AUTS2: variants seen among roughly 807,000 people sequenced by gnomAD.
AUTS2 encodes the protein autism susceptibility gene 2 protein.
Under a neutral mutation model 112.4 loss-of-function variants are expected in AUTS2, and 17 were observed. That is an observed-to-expected ratio of 0.15 (90% CI 0.10 to 0.23). The LOEUF (loss-of-function observed/expected upper bound fraction) is 0.23, where lower values mean the gene tolerates loss of function less well. Ranked by LOEUF, AUTS2 falls within the 10% of genes least tolerant of loss-of-function variation. The pLI, the probability that AUTS2 is intolerant of heterozygous loss-of-function variation, is 1.00. For synonymous variants in AUTS2, 751 were observed against 702.7 expected (o/e 1.07, Z -1.09); for missense variants, 1,510 against 1,701.6 (o/e 0.89, Z 1.98).
At chr7:70,488,193 G>A (rs942711553) in intron 5 of AUTS2, among the ~76,000 whole-genome samples, 31 of 152,206 alleles carry the variant, frequency 2.0e-4, no homozygotes, top group Admixed American at 1.1e-3. Context: ...CTGGAGAGTC[G>A]CTTCATAAGC....
chr7:70,461,685 C>G (rs961376736), intron 5 of AUTS2, among the ~76,000 whole-genome samples: 1 of 152,148 alleles, frequency 6.6e-6, no homozygotes, highest in East Asian at 1.9e-4. Context: ...CTCTTTCCAA[C>G]TAAGAAAACT....
intron 5 of AUTS2, among the ~76,000 whole-genome samples, chr7:70,481,070 A>C (rs1433410181): frequency 6.6e-6 from 1 of 152,226 alleles, no homozygotes; most frequent in Non-Finnish European, 1.5e-5. Context: ...CACCCAGTAC[A>C]GACTGTGGCA....
intron 6 of AUTS2, among the ~76,000 whole-genome samples, chr7:70,726,829 T>A (rs1328556869): frequency 6.6e-6 from 1 of 152,200 alleles, no homozygotes; most frequent in African/African-American, 2.4e-5. Flanking sequence ...TTTGTTCTTT[T>A]GAGAGGCAGG....
intron 1 of AUTS2, among the ~76,000 whole-genome samples, chr7:69,729,897 G>T (rs540745417): frequency 4.0e-5 from 6 of 149,902 alleles, no homozygotes; most frequent in African/African-American, 1.5e-4. Flanking sequence ...TTATTTTTGT[G>T]CACAAATTTG....
chr7:69,704,483 C>CT (rs2129192593), intron 1 of AUTS2, among the ~76,000 whole-genome samples: 1 of 152,116 alleles, frequency 6.6e-6, no homozygotes, highest in African/African-American at 2.4e-5. Context: ...TTTCATCGTG[C>CT]TAACCAGGAT....
rs577111095 is a variant in AUTS2 at position 69,735,755 on chromosome 7, C to T, written c.309+135793C>T. Among the ~76,000 whole-genome samples, 371 of 152,312 alleles carry T rather than the reference C, an allele frequency of 2.4e-3. 2 individuals carry two copies. The highest frequency in any genetic ancestry group is 8.4e-3 in the African/African-American group (350 of 41,574). On this transcript the variant is annotated intron_variant, in intron 1 of 18. Transcript: ENST00000342771. ...GCCCCCTGACAAGGAGTCTTGTGAG[C>T]TCCGTAAGGGCTGGCCCTTATCTGA... is the stretch of plus-strand genomic sequence containing the variant.
intron 3 of AUTS2, among the ~76,000 whole-genome samples, chr7:70,126,087 G>C (rs1805955493): frequency 6.6e-6 from 1 of 152,166 alleles, no homozygotes; most frequent in South Asian, 2.1e-4. Context: ...GAATTCCAGT[G>C]TAGCTGTATA....
chr7:70,075,084 C>A (rs150016744), intron 2 of AUTS2, among the ~76,000 whole-genome samples: 11 of 152,304 alleles, frequency 7.2e-5, no homozygotes, highest in African/African-American at 2.6e-4. Context: ...ATCTCTCTCC[C>A]AAGGGAATAA....
At chr7:70,730,217 GT>G (rs35397169) in intron 6 of AUTS2, among the ~76,000 whole-genome samples, 35,157 of 148,208 alleles carry the variant, frequency 0.24, 4,838 homozygotes, top group East Asian at 0.58. Context: ...AGGACAACCA[GT>G]TTTTTTTTTT....
At chr7:70,216,188 ATAGT>A (rs1394585993) in intron 4 of AUTS2, among the ~76,000 whole-genome samples, 3 of 152,156 alleles carry the variant, frequency 2.0e-5, no homozygotes, top group Non-Finnish European at 2.9e-5. Flanking sequence ...ACCTCAAATT[ATAGT>A]TAGTCTCCTT....
At chr7:70,183,411 G>A (rs1021825196) in intron 4 of AUTS2, among the ~76,000 whole-genome samples, 3 of 152,144 alleles carry the variant, frequency 2.0e-5, no homozygotes, top group Admixed American at 1.3e-4. Context: ...GCTCTACACC[G>A]CCAGGTGACA....
intron 2 of AUTS2, among the ~76,000 whole-genome samples, chr7:70,024,344 A>G (rs996164638): frequency 2.6e-5 from 4 of 152,252 alleles, no homozygotes; most frequent in Non-Finnish European, 5.9e-5. Context: ...AACATGTGTT[A>G]CATGAAATTA....
At chr7:69,696,959 T>G (rs949936300) in intron 1 of AUTS2, among the ~76,000 whole-genome samples, 23 of 152,216 alleles carry the variant, frequency 1.5e-4, no homozygotes, top group African/African-American at 5.5e-4. Flanking sequence ...CTAAAAAACG[T>G]TTAGAGTTAT....
At chr7:70,037,621 A>G (rs1299416338) in intron 2 of AUTS2, among the ~76,000 whole-genome samples, 2 of 152,106 alleles carry the variant, frequency 1.3e-5, no homozygotes, top group African/African-American at 4.8e-5. Flanking sequence ...TCTTTTACAA[A>G]TTGTGAGCTG....
intron 4 of AUTS2, among the ~76,000 whole-genome samples, chr7:70,422,708 G>A (rs190992058): frequency 6.3e-4 from 96 of 152,182 alleles, no homozygotes; most frequent in Admixed American, 5.9e-3. Flanking sequence ...CCCAGGAGGC[G>A]GAAGTTGCAG....
At chr7:69,822,468 T>A (rs1316614133) in intron 1 of AUTS2, among the ~76,000 whole-genome samples, 1 of 152,184 alleles carries the variant, frequency 6.6e-6, no homozygotes, top group Non-Finnish European at 1.5e-5. Flanking sequence ...AGCAAAAGAT[T>A]TGATTCAAGC....
chr7:70,734,728 G>A (rs7783704), intron 6 of AUTS2, among the ~76,000 whole-genome samples: 106,781 of 152,094 alleles, frequency 0.7, 37,719 homozygotes, highest in East Asian at 0.8. Context: ...GTTAATGTCA[G>A]CTGTTGTGTG....
intron 6 of AUTS2, among the ~76,000 whole-genome samples, chr7:70,749,673 G>GGCA (rs1233377162): frequency 6.6e-6 from 1 of 152,172 alleles, no homozygotes; most frequent in Non-Finnish European, 1.5e-5. Flanking sequence ...GCAGGGGGTT[G>GGCA]GCAGCACCCA....
chr7:70,566,544 C>CA (rs1266054503), intron 5 of AUTS2, among the ~76,000 whole-genome samples: 20 of 151,896 alleles, frequency 1.3e-4, no homozygotes, highest in Non-Finnish European at 1.5e-5. Context: ...GAACATTATA[C>CA]AAAAAAATAG....
Sources: allele counts gnomAD v4.1 joint callset (sites outside exome capture counted in the v4.1 genomes callset), GRCh38; gene constraint gnomAD v4.1.1; transcripts MANE v1.5; gene names NCBI Gene and HGNC (gene_info 2026-07-23, HGNC 2026-07-21).